The following HPD variants were observed in gnomAD, a reference collection of about 807,000 sequenced individuals.
The protein encoded by HPD is 4-hydroxyphenylpyruvic acid oxidase.
In HPD, 35 loss-of-function variants were observed where a neutral mutation model predicts 56.9. That is an observed-to-expected ratio of 0.62 (90% CI 0.47 to 0.82). The LOEUF is 0.82. HPD is among the 40% of genes least tolerant of loss of function. The probability of loss-of-function intolerance (pLI) is 0.00; values close to 1 mark genes in which losing one functional copy is unlikely to be tolerated. For missense variants in HPD, 442 were observed against 506.8 expected (o/e 0.87, Z 1.23); for synonymous variants, 186 against 200.2 (o/e 0.93, Z 0.60).
At chr12:121,868,386 C>T (rs1246674618), upstream of HPD, among the ~76,000 whole-genome samples, 1 of 152,102 alleles carries the variant, frequency 6.6e-6, no homozygotes, top group Admixed American at 6.6e-5. Flanking sequence ...CACTGTTGCC[C>T]AGGCTGGAGT....
At chr12:121,844,002 C>A (rs1877492932) in intron 11 of HPD, among the ~76,000 whole-genome samples, 170 bp from the exon 12 acceptor site, 1 of 152,140 alleles carries the variant, frequency 6.6e-6, no homozygotes, top group Non-Finnish European at 1.5e-5. Context: ...CCCGTTAGAA[C>A]AACAACTGCT....
chr12:121,864,875 AC>A (rs1878282687), upstream of HPD, among the ~76,000 whole-genome samples: 2 of 151,978 alleles, frequency 1.3e-5, no homozygotes. Context: ...AACAACAACA[AC>A]AACAACAAAA....
At chr12:121,855,972 CAAAAAAAAA>C (rs57671436) in intron 6 of HPD, among the ~76,000 whole-genome samples, 2 of 65,348 alleles carry the variant, frequency 3.1e-5, no homozygotes, top group Non-Finnish European at 5.4e-5. Flanking sequence ...CTCCGTCTCA[CAAAAAAAAA>C]AAAAAAAAAA....
rs1877986495 is a variant in HPD at position 121,856,137 on chromosome 12, C to T, written c.324+187G>A. On this transcript the variant is annotated intron_variant, in intron 6 of 13. Transcript: ENST00000289004. Reference sequence around the variant, plus strand: ...GGAGCCCAGGTGTGTGTCACACCAGCATCTGGGCTTGTCACTGTGATGCAG... The same window carrying T: ...GGAGCCCAGGTGTGTGTCACACCAGTATCTGGGCTTGTCACTGTGATGCAG... 2.4e-5 allele frequency: 16 copies of T among 671,626 alleles called. No individual in the cohort carries two copies. In the South Asian group the frequency reaches 2.6e-4, roughly 11 times the overall value. The allele number at this position is 671,626 out of a possible 1,614,324, so 41.6% of individuals were successfully genotyped here.
chr12:121,856,643 G>A lies in HPD; in HGVS notation c.199-18C>T. 2.5e-6 allele frequency: 4 copies of A among 1,613,946 alleles called. No individual in the cohort carries two copies. The highest frequency in any genetic ancestry group is 3.4e-6 in the Non-Finnish European group (4 of 1,179,850). ...AACACAATCTAAGATAGGAGGAGAAGGAGGTGAGGCTAGTGGCTCAGGGGG... is the reference window on the plus strand; with the variant it reads ...AACACAATCTAAGATAGGAGGAGAAAGAGGTGAGGCTAGTGGCTCAGGGGG... On this transcript the variant is annotated intron_variant, in intron 4 of 13. Transcript: ENST00000289004.
the HPD span, among the ~76,000 whole-genome samples, chr12:121,877,225 C>CA: frequency 6.6e-6 from 1 of 151,996 alleles, no homozygotes; most frequent in African/African-American, 2.4e-5. Flanking sequence ...ACCCATTGTA[C>CA]AGTTGAAGAA....
In HPD at chr12:121,840,120, C is replaced by T. The variant is rs1365019300; in HGVS notation, c.955-72G>A. ...GATCCTTGGAAAGTCCACAGGGGCT[C>T]CTGCACCCCAAAAGTCTGGAAATGA... On this transcript the variant is annotated intron_variant, in intron 12 of 13. Coordinates refer to ENST00000289004, the MANE Select transcript of HPD (RefSeq NM_002150.3). 4.1e-6 allele frequency: 4 copies of T among 978,376 alleles called. No homozygotes were observed. In the African/African-American group the frequency reaches 4.8e-5, roughly 12 times the overall value. 60.6% of individuals were successfully genotyped at this position (978,376 alleles called of 1,614,324 possible). A position where few individuals can be genotyped will look rare whatever the true frequency, so the allele number is the denominator to read the frequency against.
At chr12:121,863,484 A>C (rs182891864), upstream of HPD, 1 of 152,342 alleles carries the variant, frequency 6.6e-6, no homozygotes. Context: ...GCAACAATGG[A>C]CTAATAGCCT....
chr12:121,869,963 A>T, the HPD span, among the ~76,000 whole-genome samples: 1 of 151,904 alleles, frequency 6.6e-6, no homozygotes, highest in Non-Finnish European at 1.5e-5. Flanking sequence ...ATTATTTTAG[A>T]GATGGGGTCT....
the HPD span, among the ~76,000 whole-genome samples, chr12:121,880,172 AAAAG>A: frequency 5.3e-5 from 8 of 151,738 alleles, no homozygotes; most frequent in East Asian, 1.9e-4. Flanking sequence ...AAAAAAAAAA[AAAAG>A]AAAGGCTGTA....
chr12:121,853,811 G>T (rs952234240), intron 7 of HPD, among the ~76,000 whole-genome samples: 13 of 151,660 alleles, frequency 8.6e-5, no homozygotes, highest in African/African-American at 2.4e-5. Context: ...GTGTGTGCGG[G>T]TGGATGCCTG....
the HPD span, among the ~76,000 whole-genome samples, chr12:121,883,180 TTG>T: frequency 0.07 from 8,076 of 114,994 alleles, 211 homozygotes; most frequent in Admixed American, 0.12. Context: ...GGAGCATAAG[TTG>T]TGTGTGTGTG....
At chr12:121,868,759 G>C in the HPD span, among the ~76,000 whole-genome samples, 1 of 152,004 alleles carries the variant, frequency 6.6e-6, no homozygotes, top group African/African-American at 2.4e-5. Flanking sequence ...GGCCTCAAAT[G>C]ATCCACCTGC....
chr12:121,879,715 T>C, the HPD span, among the ~76,000 whole-genome samples: 1 of 152,156 alleles, frequency 6.6e-6, no homozygotes, highest in Non-Finnish European at 1.5e-5. Context: ...TATATAGATA[T>C]GACAAGATAT....
In HPD at chr12:121,839,920, G is replaced by T; in HGVS notation, c.1071+12C>A. On this transcript the variant is annotated intron_variant, in intron 13 of 13. Transcript: ENST00000289004. ...TGCCTGTCCCCTCGGGCCTGCCGGG[G>T]ACAAGCAGTACCTGGTGGTTGTGGC... The T allele has an allele frequency of 1.9e-6, 3 of 1,610,816 alleles. No homozygotes were observed. Among genetic ancestry groups the T allele is most frequent in the Non-Finnish European group, 2.5e-6 (3 of 1,176,946 alleles).
upstream of HPD, among the ~76,000 whole-genome samples, chr12:121,862,465 T>G (rs959816959): frequency 6.6e-6 from 1 of 151,810 alleles, no homozygotes. Context: ...GCCCAGCTAA[T>G]TTTGTATTTT....
the HPD span, among the ~76,000 whole-genome samples, chr12:121,875,286 C>T: frequency 2.6e-5 from 4 of 152,132 alleles, no homozygotes; most frequent in Admixed American, 1.3e-4. Context: ...AGATTTAGAC[C>T]AAGGGCCATG....
chr12:121,857,082 T>C, intron 4 of HPD: 1 of 529,332 alleles, frequency 1.9e-6, no homozygotes, highest in Non-Finnish European at 3.4e-6. Context: ...TTTGTTGTTT[T>C]TTGTTTTTTT....
chr12:121,878,971 GACTT>G, the HPD span, among the ~76,000 whole-genome samples: 1 of 151,868 alleles, frequency 6.6e-6, no homozygotes, highest in African/African-American at 2.4e-5. Context: ...CACCATGACT[GACTT>G]ATTTTGTTCT....
Sources: gnomAD v4.1 joint callset for allele counts (sites outside exome capture counted in the v4.1 genomes callset) on GRCh38, gnomAD v4.1.1 for gene constraint, MANE v1.5 for transcripts, NCBI Gene and HGNC (gene_info 2026-07-23, HGNC 2026-07-21) for gene names.